NOS1AP: variants seen among roughly 807,000 people sequenced by gnomAD.
The protein encoded by NOS1AP is carboxyl-terminal PDZ ligand of neuronal nitric oxide synthase protein.
A neutral mutation model predicts 56.2 loss-of-function variants in NOS1AP; 21 were observed. The observed-to-expected ratio is 0.37, with a 90% CI of 0.26 to 0.54. NOS1AP has a LOEUF of 0.54. Ranked by LOEUF, NOS1AP falls within the 20% of genes least tolerant of loss-of-function variation. The probability of loss-of-function intolerance (pLI) is 0.84; values close to 1 mark genes in which losing one functional copy is unlikely to be tolerated. For missense variants in NOS1AP, 522 were observed against 657.8 expected (o/e 0.79, Z 2.26); for synonymous variants, 270 against 274.6 (o/e 0.98, Z 0.17).
intron 2 of NOS1AP, among the ~76,000 whole-genome samples, chr1:162,237,866 A>AT (rs1653355512): frequency 3.1e-5 from 2 of 63,816 alleles, no homozygotes; most frequent in African/African-American, 7.0e-5. Flanking sequence ...AATGGAAGTC[A>AT]TTTTCAGAGA....
intron 2 of NOS1AP, among the ~76,000 whole-genome samples, chr1:162,182,684 C>G (rs1375917737): frequency 1.3e-5 from 2 of 152,158 alleles, no homozygotes; most frequent in Non-Finnish European, 2.9e-5. Context: ...CATAGCGGGT[C>G]TACAGGGAGT....
chr1:162,255,728 A>G (rs1298574393), intron 2 of NOS1AP, among the ~76,000 whole-genome samples: 1 of 152,056 alleles, frequency 6.6e-6, no homozygotes, highest in Non-Finnish European at 1.5e-5. Context: ...CACTGGCAAA[A>G]TCTAGTCTCA....
At chr1:162,297,642 C>A (rs1263064575) in intron 3 of NOS1AP, among the ~76,000 whole-genome samples, 1 of 152,020 alleles carries the variant, frequency 6.6e-6, no homozygotes, top group Non-Finnish European at 1.5e-5. Flanking sequence ...GATTATGGGG[C>A]GTCACCTCTG....
chr1:162,173,029 C>T (rs1313684287), intron 2 of NOS1AP, among the ~76,000 whole-genome samples: 2 of 152,024 alleles, frequency 1.3e-5, no homozygotes, highest in African/African-American at 4.8e-5. Flanking sequence ...TCAAGTGATC[C>T]TCCCACTGCA....
Position 162,069,901 on chromosome 1 carries a change from G to C in NOS1AP, c.-277G>C, listed in dbSNP as rs1691623086. 1.7e-5 allele frequency: 3 copies of C among 179,606 alleles called. No homozygotes were observed. In the Admixed American group the frequency reaches 1.9e-4, roughly 11 times the overall value. 11.1% of individuals were successfully genotyped at this position (179,606 alleles called of 1,614,324 possible). On this transcript the variant is annotated 5_prime_UTR_variant, in exon 1 of 10. Coordinates refer to ENST00000361897, the MANE Select transcript of NOS1AP (RefSeq NM_014697.3). ...CCCGGGCAGGGGCGCCGCGCAGCCC[G>C]CTCCCGCCGCCACCTCCTCCCCTGC... is the stretch of plus-strand genomic sequence containing the variant.
At chr1:162,132,495 C>T (rs74670734) in intron 1 of NOS1AP, among the ~76,000 whole-genome samples, 233 of 152,292 alleles carry the variant, frequency 1.5e-3, no homozygotes, top group Non-Finnish European at 2.4e-3. Context: ...GAGATTTCTC[C>T]GTGACCTTCA....
chr1:162,206,022 G>A (rs571026616), intron 2 of NOS1AP, among the ~76,000 whole-genome samples: 2 of 152,286 alleles, frequency 1.3e-5, no homozygotes, highest in South Asian at 4.1e-4. Context: ...AGACCATTTT[G>A]TGAGGGACCT....
In NOS1AP at chr1:162,295,645, A is replaced by G. The variant is rs532358604; in HGVS notation, c.271-4988A>G. Among the ~76,000 whole-genome samples, 3 of 152,300 alleles carry G rather than the reference A, an allele frequency of 2.0e-5. No homozygotes were observed. The South Asian group carries it at 6.2e-4, about 32-fold the overall frequency. On this transcript the variant is annotated intron_variant, in intron 3 of 9. Transcript: ENST00000361897. ...CAAAACATAGGCAATAAGAGACACA[A>G]TTTCAGACCAGGAGACAGGAAGAAT...
At chr1:162,271,404 G>C (rs1216755158) in intron 2 of NOS1AP, among the ~76,000 whole-genome samples, 1 of 152,116 alleles carries the variant, frequency 6.6e-6, no homozygotes, top group South Asian at 2.1e-4. Context: ...TGGAAAGAAA[G>C]TATGAGGGCC....
At chr1:162,308,596 G>A (rs1395726149) in intron 4 of NOS1AP, among the ~76,000 whole-genome samples, 2 of 152,204 alleles carry the variant, frequency 1.3e-5, no homozygotes, top group Non-Finnish European at 2.9e-5. Context: ...GATGGGCTGT[G>A]TAGCAGTCGG....
intron 2 of NOS1AP, among the ~76,000 whole-genome samples, chr1:162,274,799 C>T (rs141054238): frequency 1.3e-3 from 194 of 152,334 alleles, no homozygotes; most frequent in African/African-American, 4.6e-3. Context: ...GACAAAAACA[C>T]TGAACCAACT....
At position 162,070,243 on chromosome 1, in the gene NOS1AP, C is replaced by A. The variant is rs1485371363; in HGVS notation, c.66C>A (p.Asn22Lys). The A allele has an allele frequency of 6.2e-7, 1 of 1,613,880 alleles. No individual in the cohort carries two copies. The highest frequency in any genetic ancestry group is 1.3e-5 in the African/African-American group (1 of 74,932). The change falls in exon 1 of 10, where the codon AAC becomes AAA. Residue 22 changes from asparagine (N) to lysine (K), a missense_variant. Asn to Lys is a moderately conservative substitution (Grantham distance 94). Transcript: ENST00000361897. The part of the protein sequence containing the change: ...DGHDLRIPLH[N>K]EDAFQHGICF... ...ACGACCTGCGGATCCCCTTGCACAA[C>A]GAGGACGCCTTCCAGCACGGCATCT...
intron 5 of NOS1AP, among the ~76,000 whole-genome samples, chr1:162,333,403 C>T (rs1351820083): frequency 6.6e-6 from 1 of 152,096 alleles, no homozygotes; most frequent in African/African-American, 2.4e-5. Context: ...CTAACCTTAG[C>T]CTTGGGGTAG....
chr1:162,214,360 G>A (rs1489260530), intron 2 of NOS1AP, among the ~76,000 whole-genome samples: 3 of 152,180 alleles, frequency 2.0e-5, no homozygotes, highest in Admixed American at 2.0e-4. Context: ...CCTCCAGACA[G>A]AGAGGTGATA....
intron 1 of NOS1AP, among the ~76,000 whole-genome samples, chr1:162,091,090 G>A (rs979215419): frequency 9.2e-5 from 14 of 151,970 alleles, no homozygotes; most frequent in African/African-American, 3.4e-4. Flanking sequence ...TAAAAAATGT[G>A]GTAGTTCTGT....
At chr1:162,258,973 G>C (rs1654121337) in intron 2 of NOS1AP, among the ~76,000 whole-genome samples, 1 of 152,126 alleles carries the variant, frequency 6.6e-6, no homozygotes, top group Non-Finnish European at 1.5e-5. Flanking sequence ...GTGTAAACTT[G>C]AGAGCCCTTT....
Position 162,070,122 on chromosome 1 carries a change from G to C in NOS1AP, c.-56G>C, listed in dbSNP as rs987377270. ...TCCAGTCTCCCCTCCCCGGGGTCTC[G>C]CCAGCCCCTTCCTGCAGCCGCCGCC... On this transcript the variant is annotated 5_prime_UTR_variant, in exon 1 of 10. Coordinates refer to ENST00000361897, the MANE Select transcript of NOS1AP (RefSeq NM_014697.3). The C allele has an allele frequency of 6.9e-6, 10 of 1,444,506 alleles. No individual in the cohort carries two copies. In the African/African-American group the frequency reaches 1.1e-4, roughly 16 times the overall value. The allele number at this position is 1,444,506 out of a possible 1,614,324, so 89.5% of individuals were successfully genotyped here.
intron 2 of NOS1AP, among the ~76,000 whole-genome samples, chr1:162,276,662 G>A (rs910117629): frequency 6.6e-6 from 1 of 152,106 alleles, no homozygotes; most frequent in Non-Finnish European, 1.5e-5. Flanking sequence ...TGGGAACCAT[G>A]GTTCCACTTT....
In NOS1AP at chr1:162,202,759, C is replaced by T. The variant is rs181172435; in HGVS notation, c.177+48283C>T. Among the ~76,000 whole-genome samples, 5 of 152,310 alleles carry T rather than the reference C, an allele frequency of 3.3e-5. No homozygotes were observed. In the East Asian group the frequency reaches 9.6e-4, roughly 29 times the overall value. On this transcript the variant is annotated intron_variant, in intron 2 of 9. Transcript: ENST00000361897. ...TTTACAGAAATGTTATACCTGTTTA[C>T]ATTTTGTATCAACTAAGATGCTTTT...
Sources: gnomAD v4.1 joint callset for allele counts (sites outside exome capture counted in the v4.1 genomes callset) on GRCh38, gnomAD v4.1.1 for gene constraint, MANE v1.5 for transcripts, NCBI Gene and HGNC (gene_info 2026-07-23, HGNC 2026-07-21) for gene names.